The following NKAIN2 variants were observed in gnomAD, a reference collection of about 807,000 sequenced individuals.
The protein encoded by NKAIN2 is sodium/potassium transporting ATPase interacting 2.
A neutral mutation model predicts 32.6 loss-of-function variants in NKAIN2; 14 were observed. The ratio of observed to expected loss-of-function variants is 0.43; its 90% CI spans 0.28 to 0.67. NKAIN2 has a LOEUF of 0.67. Ranked by LOEUF, NKAIN2 falls within the 30% of genes least tolerant of loss-of-function variation. NKAIN2 has a pLI of 0.17. For missense variants in NKAIN2, 198 were observed against 258.3 expected (o/e 0.77, Z 1.60); for synonymous variants, 80 against 87.2 (o/e 0.92, Z 0.46).
chr6:124,079,941 A>AC (rs1491259905), intron 1 of NKAIN2, among the ~76,000 whole-genome samples: 2 of 139,608 alleles, frequency 1.4e-5, no homozygotes, highest in Admixed American at 1.4e-4. Flanking sequence ...ATTTGGATGG[A>AC]AAAAAAAAAA....
chr6:124,612,504 G>A (rs1782731193), intron 3 of NKAIN2, among the ~76,000 whole-genome samples: 1 of 152,174 alleles, frequency 6.6e-6, no homozygotes, highest in Non-Finnish European at 1.5e-5. Context: ...GGAACTCTAT[G>A]TGGAGATCTA....
chr6:123,912,100 A>G (rs1775244980), intron 1 of NKAIN2, among the ~76,000 whole-genome samples: 1 of 151,750 alleles, frequency 6.6e-6, no homozygotes, highest in Admixed American at 6.6e-5. Flanking sequence ...CTTGCTTAGT[A>G]CACCAATTTC....
At chr6:124,028,705 G>A (rs546600220) in intron 1 of NKAIN2, among the ~76,000 whole-genome samples, 1 of 148,512 alleles carries the variant, frequency 6.7e-6, no homozygotes. Context: ...ATGTATACAC[G>A]TGTATATATA....
intron 1 of NKAIN2, among the ~76,000 whole-genome samples, chr6:123,932,605 G>C (rs1296074069): frequency 1.3e-5 from 2 of 151,672 alleles, no homozygotes. Flanking sequence ...TTTTAGTAGA[G>C]ACGGGGTTTC....
At chr6:123,819,209 A>G (rs1156987833) in intron 1 of NKAIN2, among the ~76,000 whole-genome samples, 1 of 152,194 alleles carries the variant, frequency 6.6e-6, no homozygotes, top group African/African-American at 2.4e-5. Context: ...GCTCAGGGTG[A>G]AAAGCAGGAG....
At chr6:124,418,949 G>A (rs1035715341) in intron 3 of NKAIN2, among the ~76,000 whole-genome samples, 1 of 151,976 alleles carries the variant, frequency 6.6e-6, no homozygotes, top group African/African-American at 2.4e-5. Context: ...TACATGCTTT[G>A]CAAAATTCTT....
intron 1 of NKAIN2, among the ~76,000 whole-genome samples, chr6:124,276,534 A>G (rs1273799168): frequency 6.6e-6 from 1 of 152,144 alleles, no homozygotes; most frequent in African/African-American, 2.4e-5. Context: ...AAGATAAAAC[A>G]AAATTATATC....
intron 4 of NKAIN2, among the ~76,000 whole-genome samples, chr6:124,744,952 T>C (rs1006496065): frequency 3.3e-5 from 5 of 151,796 alleles, no homozygotes; most frequent in African/African-American, 1.2e-4. Context: ...CACTTTCCAG[T>C]AAAGGGCAAA....
At chr6:124,464,202 G>A (rs11969022) in intron 3 of NKAIN2, among the ~76,000 whole-genome samples, 16,343 of 151,988 alleles carry the variant, frequency 0.11, 2,877 homozygotes, top group African/African-American at 0.37. Flanking sequence ...TGGCCAGAGT[G>A]GTCTTGAACT....
intron 1 of NKAIN2, among the ~76,000 whole-genome samples, chr6:123,819,800 A>G (rs943301578): frequency 2.6e-5 from 4 of 152,160 alleles, no homozygotes; most frequent in Non-Finnish European, 5.9e-5. Flanking sequence ...TAACTCTTGG[A>G]CTAGAATGCA....
At chr6:124,392,053 A>C (rs1340762266) in intron 3 of NKAIN2, among the ~76,000 whole-genome samples, 2 of 152,200 alleles carry the variant, frequency 1.3e-5, no homozygotes, top group Non-Finnish European at 2.9e-5. Flanking sequence ...GCAGAACTCA[A>C]GGCAATGTAT....
intron 3 of NKAIN2, among the ~76,000 whole-genome samples, chr6:124,574,577 C>T (rs540619089): frequency 6.6e-5 from 10 of 152,238 alleles, no homozygotes; most frequent in Non-Finnish European, 1.3e-4. Context: ...TGAGATCGCC[C>T]CAGTGCACTC....
chr6:124,435,346 C>T (rs1775394557), intron 3 of NKAIN2, among the ~76,000 whole-genome samples: 2 of 152,072 alleles, frequency 1.3e-5, no homozygotes, highest in South Asian at 2.1e-4. Flanking sequence ...AAGTCAGATA[C>T]ACTCATAAGT....
chr6:124,327,136 G>C (rs998453346), intron 2 of NKAIN2, among the ~76,000 whole-genome samples: 4 of 151,400 alleles, frequency 2.6e-5, no homozygotes, highest in African/African-American at 9.7e-5. Flanking sequence ...CCCATATTCT[G>C]AGTTTTTTAT....
At chr6:124,179,643 G>T (rs150210168) in intron 1 of NKAIN2, among the ~76,000 whole-genome samples, 13 of 152,200 alleles carry the variant, frequency 8.5e-5, no homozygotes, top group Admixed American at 6.5e-4. Context: ...CACTCAAGGC[G>T]CATCTGCTCC....
At chr6:124,565,591 C>A (rs759854445) in intron 3 of NKAIN2, among the ~76,000 whole-genome samples, 3 of 152,218 alleles carry the variant, frequency 2.0e-5, no homozygotes, top group Non-Finnish European at 4.4e-5. Context: ...CCGTGCGAAA[C>A]ACCACTTAGA....
chr6:124,421,094 AC>A (rs1472919111), intron 3 of NKAIN2, among the ~76,000 whole-genome samples: 8 of 147,224 alleles, frequency 5.4e-5, no homozygotes, highest in South Asian at 2.1e-4. Flanking sequence ...AAAAAAAAAA[AC>A]ATGTTTTCTC....
intron 1 of NKAIN2, among the ~76,000 whole-genome samples, chr6:124,270,455 T>A (rs1794706367): frequency 6.6e-6 from 1 of 152,212 alleles, no homozygotes; most frequent in Non-Finnish European, 1.5e-5. Flanking sequence ...TTGACAAATT[T>A]CAAATTCTCC....
At chr6:124,726,366 C>A (rs897621595) in intron 4 of NKAIN2, among the ~76,000 whole-genome samples, 3 of 152,330 alleles carry the variant, frequency 2.0e-5, no homozygotes, top group Middle Eastern at 6.8e-3. Context: ...GATCTGAGAA[C>A]GGGCAGACTG....
Sources: allele counts gnomAD v4.1 joint callset (sites outside exome capture counted in the v4.1 genomes callset), GRCh38; gene constraint gnomAD v4.1.1; transcripts MANE v1.5; gene names NCBI Gene and HGNC (gene_info 2026-07-23, HGNC 2026-07-21).